Variants in GRTP1 observed in about 807,000 individuals in gnomAD.
GRTP1 encodes the protein growth hormone-regulated TBC protein 1.
GRTP1 carries 56 observed loss-of-function variants against 38.1 expected under a neutral mutation model. The observed-to-expected ratio is 1.47, with a 90% CI of 1.19 to 1.84. The LOEUF (loss-of-function observed/expected upper bound fraction) is 1.84. GRTP1 is among the 40% of genes most tolerant of loss of function. GRTP1 has a pLI of 0.00. For missense variants in GRTP1, 506 were observed against 453.9 expected (o/e 1.11, Z -1.04); for synonymous variants, 217 against 189.5 (o/e 1.14, Z -1.19).
At chr13:113,327,712 T>C (rs1435714447) in intron 5 of GRTP1, among the ~76,000 whole-genome samples, 2 of 152,240 alleles carry the variant, frequency 1.3e-5, no homozygotes, top group East Asian at 3.8e-4. Context: ...TTCTGAGCGC[T>C]TTGCTCATCT....
intron 4 of GRTP1, among the ~76,000 whole-genome samples, chr13:113,345,360 C>T (rs2043085862): frequency 1.3e-5 from 2 of 152,232 alleles, no homozygotes; most frequent in Non-Finnish European, 2.9e-5. Flanking sequence ...CCGTAAGGAA[C>T]ATGTGCTGAC....
intron 5 of GRTP1, among the ~76,000 whole-genome samples, chr13:113,338,712 C>T (rs2042987890): frequency 6.6e-6 from 1 of 152,190 alleles, no homozygotes; most frequent in South Asian, 2.1e-4. Flanking sequence ...CGTTTTGTGT[C>T]ACGGGCCTGG....
chr13:113,337,697 T>C (rs8000966), intron 5 of GRTP1, among the ~76,000 whole-genome samples: 148,885 of 152,358 alleles, frequency 0.98, 72,835 homozygotes, highest in East Asian at 1. Context: ...AAAACAGCTG[T>C]TCCTGACCCC....
chr13:113,348,101 G>C lies in GRTP1; in HGVS notation c.465+2748C>G, dbSNP rs1263224790. On this transcript the variant is annotated intron_variant, in intron 4 of 7. Coordinates refer to ENST00000375431, the MANE Select transcript of GRTP1 (RefSeq NM_024719.4). The surrounding 1 kb of genome is among the most constrained non-coding windows in gnomAD (Gnocchi z 4.8). ...TTGAGTGGACAGTGCTACTGGACCT[G>C]GGAGAGGGCGACCATGTGGACAGTG... Among the ~76,000 whole-genome samples, 10 of 152,206 alleles carry C rather than the reference G, an allele frequency of 6.6e-5. No homozygotes were observed. The highest frequency in any genetic ancestry group is 1.5e-4 in the Non-Finnish European group (10 of 68,042).
intron 5 of GRTP1, among the ~76,000 whole-genome samples, chr13:113,341,807 C>T (rs1386080591): frequency 6.6e-6 from 1 of 152,122 alleles, no homozygotes; most frequent in East Asian, 1.9e-4. Flanking sequence ...GGCGGGTCGT[C>T]ACTTTTGTTT....
At position 113,324,348 on chromosome 13, in the gene GRTP1, T is replaced by TC. The variant is rs1347762144; in HGVS notation, c.*139_*140insG. ...GAATGACCTGATTTTAAACTGCTCT[T>TC]TTAAAAAATTCACAACTAAAGTGTA... is the stretch of plus-strand genomic sequence containing the variant. On this transcript the variant is annotated 3_prime_UTR_variant, in exon 8 of 8. Transcript: ENST00000375431. 1 of 1,273,464 alleles carries TC rather than the reference T, an allele frequency of 7.9e-7. No homozygotes were observed. Among genetic ancestry groups the TC allele is most frequent in the African/African-American group, 1.5e-5 (1 of 64,846 alleles). The allele number at this position is 1,273,464 out of a possible 1,614,324, so 78.9% of individuals were successfully genotyped here.
At chr13:113,353,759 C>T (rs2043329150) in intron 3 of GRTP1, among the ~76,000 whole-genome samples, 1 of 152,166 alleles carries the variant, frequency 6.6e-6, no homozygotes, top group African/African-American at 2.4e-5. Flanking sequence ...TTATATTAGG[C>T]ATATTTTACC....
rs761091406 is a variant in GRTP1 at position 113,324,629 on chromosome 13, T to TTAGC, written c.922-56_922-53dup. ...ACAAACCCAACAACCCATTTCTACG[T>TTAGC]TAGCTCTCCCAGACTGGCAGGCAGG... On this transcript the variant is annotated intron_variant, in intron 7 of 7. Transcript: ENST00000375431. 167 of 1,546,648 alleles carry TTAGC rather than the reference T, an allele frequency of 1.1e-4. No homozygotes were observed. The African/African-American group carries it at 2.0e-3, about 19-fold the overall frequency.
rs890937276 is a variant in GRTP1 at position 113,343,304 on chromosome 13, C to T, written c.562+1559G>A. ...GAGCTGAGACAGCCGGCATCCTTTC[C>T]GCCCTGCGAGGTTCTGCCTGCTGCT... is the stretch of plus-strand genomic sequence containing the variant. On this transcript the variant is annotated intron_variant, in intron 5 of 7. Coordinates refer to ENST00000375431, the MANE Select transcript of GRTP1 (RefSeq NM_024719.4). The surrounding 1 kb of genome is among the most constrained non-coding windows in gnomAD (Gnocchi z 4.8). Among the ~76,000 whole-genome samples the T allele has an allele frequency of 6.6e-6, 1 of 152,146 alleles. No individual in the cohort carries two copies. The highest frequency in any genetic ancestry group is 1.5e-5 in the Non-Finnish European group (1 of 68,028).
At chr13:113,344,331 C>T (rs2043067353) in intron 5 of GRTP1, among the ~76,000 whole-genome samples, 1 of 152,182 alleles carries the variant, frequency 6.6e-6, no homozygotes, top group African/African-American at 2.4e-5. Flanking sequence ...CTCTGCCGTC[C>T]CAGGAGCAAG....
intron 3 of GRTP1, among the ~76,000 whole-genome samples, chr13:113,352,277 TA>T (rs1191146775): frequency 1.6e-4 from 18 of 111,928 alleles, no homozygotes; most frequent in African/African-American, 5.2e-4. Context: ...TATTTTTATA[TA>T]TATTTATATA....
chr13:113,336,681 C>T (rs2042960061), intron 5 of GRTP1, among the ~76,000 whole-genome samples: 1 of 152,170 alleles, frequency 6.6e-6, no homozygotes, highest in African/African-American at 2.4e-5. Flanking sequence ...GAGACCCCAC[C>T]TGATGTCCTG....
intron 5 of GRTP1, among the ~76,000 whole-genome samples, chr13:113,330,161 G>A (rs1442226929): frequency 6.7e-6 from 1 of 150,266 alleles, no homozygotes; most frequent in African/African-American, 2.5e-5. Context: ...ACTCAGGTGC[G>A]TGCATGGGAG....
At chr13:113,339,089 T>C (rs1272238691) in intron 5 of GRTP1, among the ~76,000 whole-genome samples, 1 of 152,104 alleles carries the variant, frequency 6.6e-6, no homozygotes, top group Non-Finnish European at 1.5e-5. Context: ...AATTTTTGTA[T>C]TTTTAGTAGA....
chr13:113,331,335 C>T lies in GRTP1; in HGVS notation c.563-5244G>A, dbSNP rs1316823920. Among the ~76,000 whole-genome samples, 5 of 152,300 alleles carry T rather than the reference C, an allele frequency of 3.3e-5. No individual in the cohort carries two copies. The South Asian group carries it at 8.3e-4, about 25-fold the overall frequency. On this transcript the variant is annotated intron_variant, in intron 5 of 7. Coordinates refer to ENST00000375431, the MANE Select transcript of GRTP1 (RefSeq NM_024719.4). Reference sequence around the variant, plus strand: ...GACCTGGGGGTTGGGGGCTCAGGGGCGGCTGCTACCAGGATGGCCTTGCCT... The same window carrying T: ...GACCTGGGGGTTGGGGGCTCAGGGGTGGCTGCTACCAGGATGGCCTTGCCT...
chr13:113,330,234 C>T (rs1245964721), intron 5 of GRTP1, among the ~76,000 whole-genome samples: 14 of 139,642 alleles, frequency 1.0e-4, no homozygotes, highest in Admixed American at 1.0e-3. Flanking sequence ...GATGGAAACC[C>T]GGGTGTGTGC....
In GRTP1 at chr13:113,337,337, G is replaced by A. The variant is rs1389317903; in HGVS notation, c.562+7526C>T. On this transcript the variant is annotated intron_variant, in intron 5 of 7. Transcript: ENST00000375431. ...AACTTTAGAAGTAGCTAAGATCTCC[G>A]GCTAAATACTTGGTAGAAAACTGAG... Among the ~76,000 whole-genome samples the A allele has an allele frequency of 7.2e-5, 11 of 152,148 alleles. No individual in the cohort carries two copies. In the Middle Eastern group the frequency reaches 0.014, roughly 188 times the overall value.
intron 2 of GRTP1, 184 bp from the exon 3 acceptor site, chr13:113,355,665 C>T: frequency 1.6e-6 from 1 of 620,646 alleles, no homozygotes; most frequent in East Asian, 3.1e-5. Context: ...GCTCTCCTCT[C>T]CCTCTCAACA....
chr13:113,328,159 G>A (rs529142245), intron 5 of GRTP1, among the ~76,000 whole-genome samples: 4 of 152,278 alleles, frequency 2.6e-5, no homozygotes, highest in South Asian at 2.1e-4. Flanking sequence ...GTCTCGCGCC[G>A]CTATCCCCCC....
Sources: allele counts gnomAD v4.1 joint callset (sites outside exome capture counted in the v4.1 genomes callset), GRCh38; gene constraint gnomAD v4.1.1; non-coding constraint Gnocchi (gnomAD v3.1); transcripts MANE v1.5; gene names NCBI Gene and HGNC (gene_info 2026-07-23, HGNC 2026-07-21).